The following MCC variants were observed in gnomAD, a reference collection of about 807,000 sequenced individuals.
MCC encodes MCC regulator of Wnt signaling pathway.
MCC carries 90 observed loss-of-function variants against 116.2 expected under a neutral mutation model. The observed-to-expected ratio is 0.77, with a 90% CI of 0.65 to 0.92. The LOEUF is 0.92. MCC is among the 40% of genes least tolerant of loss of function. The pLI is 0.00. For missense variants in MCC, 1,516 were observed against 1,312.2 expected, an observed-to-expected ratio of 1.16 and a Z score of -2.40; for synonymous variants, 578 against 510.5, an observed-to-expected ratio of 1.13 and a Z score of -1.78.
intron 15 of MCC, among the ~76,000 whole-genome samples, chr5:113,051,082 A>G (rs1752453204): frequency 6.6e-6 from 1 of 152,246 alleles, no homozygotes. Flanking sequence ...GTGGTACAGG[A>G]ATCCAGAGCC....
At chr5:113,220,195 T>C (rs1489801783) in intron 3 of MCC, among the ~76,000 whole-genome samples, 2 of 135,592 alleles carry the variant, frequency 1.5e-5, no homozygotes, top group East Asian at 4.6e-4. Flanking sequence ...GTAGCTGGGA[T>C]TACAGGCGCC....
chr5:113,470,616 T>G (rs542145420), intron 1 of MCC, among the ~76,000 whole-genome samples: 1 of 152,264 alleles, frequency 6.6e-6, no homozygotes, highest in Non-Finnish European at 1.5e-5. Context: ...CCCTTAACAT[T>G]TTTTCCTTCA....
chr5:113,052,192 CA>C (rs1752529660), intron 15 of MCC, among the ~76,000 whole-genome samples: 1 of 152,094 alleles, frequency 6.6e-6, no homozygotes, highest in Non-Finnish European at 1.5e-5. Flanking sequence ...CCACGTTGGC[CA>C]ATTTTAAAAA....
chr5:113,314,174 CT>C (rs756113025), intron 3 of MCC, among the ~76,000 whole-genome samples: 50 of 152,134 alleles, frequency 3.3e-4, no homozygotes, highest in Non-Finnish European at 5.4e-4. Context: ...CCAGGGAGGC[CT>C]GTATAAAATC....
Position 113,434,277 on chromosome 5 carries a change from TGCAGCACCTCTGGGGCCGCATA to T in MCC, c.171-49087_171-49066del, listed in dbSNP as rs907534939. On this transcript the variant is annotated intron_variant, in intron 1 of 18. Coordinates refer to ENST00000408903, the MANE Select transcript of MCC (RefSeq NM_001085377.2). The surrounding 1 kb of genome is among the most constrained non-coding windows in gnomAD (Gnocchi z 4.2). ...CACCTTGGGCTGGTAGGGAATGCCC[TGCAGCACCTCTGGGGCCGCATA>T]CGCTGGTGACCCACAGAAGGTCTTG... is the stretch of plus-strand genomic sequence containing the variant. 1.2e-6 allele frequency: 2 copies of T among 1,614,046 alleles called. No individual in the cohort carries two copies. The highest frequency in any genetic ancestry group is 2.7e-5 in the African/African-American group (2 of 74,920).
chr5:113,141,689 TC>T (rs1270485059), intron 5 of MCC, among the ~76,000 whole-genome samples: 3 of 152,204 alleles, frequency 2.0e-5, no homozygotes, highest in Non-Finnish European at 4.4e-5. Flanking sequence ...ATATGACATC[TC>T]CACAGATGTA....
chr5:113,264,875 C>G (rs888639339), intron 3 of MCC, among the ~76,000 whole-genome samples: 1 of 152,130 alleles, frequency 6.6e-6, no homozygotes, highest in Admixed American at 6.5e-5. Flanking sequence ...AACCCCATCT[C>G]TACTAAAAAT....
intron 1 of MCC, among the ~76,000 whole-genome samples, chr5:113,402,374 G>C (rs981835474): frequency 1.3e-5 from 2 of 151,196 alleles, no homozygotes; most frequent in African/African-American, 4.9e-5. Context: ...GGCCAGGCTG[G>C]TCTTGAACTC....
At chr5:113,108,331 TAAAAAAAA>T (rs56780207) in intron 6 of MCC, among the ~76,000 whole-genome samples, 1 of 42,724 alleles carries the variant, frequency 2.3e-5, no homozygotes, top group African/African-American at 7.6e-5. Flanking sequence ...CACTCTATCT[TAAAAAAAA>T]AAAAAAAAAA....
At position 113,085,149 on chromosome 5, in the gene MCC, T is replaced by C. The variant is rs766938399; in HGVS notation, c.1545+15A>G. 3.1e-6 allele frequency: 5 copies of C among 1,613,906 alleles called. No homozygotes were observed. Among genetic ancestry groups the C allele is most frequent in the African/African-American group, 1.3e-5 (1 of 74,908 alleles). On this transcript the variant is annotated intron_variant, in intron 9 of 18. Transcript: ENST00000408903. ...GAGGTGTTCCCGCTCATCGGGTCCATCCCCAGGAACTCACCTTGGCGATGG... is the reference window on the plus strand; with the variant it reads ...GAGGTGTTCCCGCTCATCGGGTCCACCCCCAGGAACTCACCTTGGCGATGG...
chr5:113,234,280 A>G (rs894315378), intron 3 of MCC, among the ~76,000 whole-genome samples: 4 of 152,178 alleles, frequency 2.6e-5, no homozygotes, highest in Admixed American at 6.5e-5. Context: ...GTCACTTTCA[A>G]TATTTAGCAT....
intron 3 of MCC, among the ~76,000 whole-genome samples, chr5:113,333,731 A>G (rs114474305): frequency 0.013 from 1,886 of 146,422 alleles, 33 homozygotes; most frequent in Middle Eastern, 0.032. Context: ...CCCCACAGAT[A>G]GCTGGTATGT....
chr5:113,082,633 T>C (rs1388209959), intron 11 of MCC, among the ~76,000 whole-genome samples: 1 of 152,258 alleles, frequency 6.6e-6, no homozygotes, highest in Non-Finnish European at 1.5e-5. Flanking sequence ...GGCACCTTTC[T>C]AAGCATAAGG....
chr5:113,317,154 A>G (rs1767306545), intron 3 of MCC, among the ~76,000 whole-genome samples: 2 of 152,246 alleles, frequency 1.3e-5, no homozygotes, highest in Admixed American at 6.5e-5. Flanking sequence ...CATTCAGATT[A>G]AGTGAAGGAA....
chr5:113,036,121 C>A lies in MCC; in HGVS notation c.2757-7065G>T, dbSNP rs1414299749. ...TGCGATCTTGGGCTCAACACAACCTCCAACCCCTAGGGTTCAAGTGATTCT... is the reference window on the plus strand; with the variant it reads ...TGCGATCTTGGGCTCAACACAACCTACAACCCCTAGGGTTCAAGTGATTCT... On this transcript the variant is annotated intron_variant, in intron 17 of 18. Transcript: ENST00000408903. Among the ~76,000 whole-genome samples, 7 of 135,814 alleles carry A rather than the reference C, an allele frequency of 5.2e-5. No homozygotes were observed. In the Admixed American group the frequency reaches 6.1e-4, roughly 12 times the overall value. The allele number at this position is 135,814 out of a possible 152,430, so 89.1% of individuals were successfully genotyped here.
intron 6 of MCC, among the ~76,000 whole-genome samples, chr5:113,108,261 A>G (rs1756864057): frequency 7.1e-6 from 1 of 140,028 alleles, no homozygotes; most frequent in Admixed American, 7.7e-5. Context: ...TGAACCCAGG[A>G]GGTGGAGGTT....
intron 3 of MCC, among the ~76,000 whole-genome samples, chr5:113,259,929 TAAAA>T (rs1403405466): frequency 1.3e-5 from 2 of 152,066 alleles, no homozygotes; most frequent in African/African-American, 4.8e-5. Context: ...GTTTATTTCT[TAAAA>T]AAAGTCAAGT....
chr5:113,249,503 T>C (rs1246264579), intron 3 of MCC, among the ~76,000 whole-genome samples: 1 of 152,214 alleles, frequency 6.6e-6, no homozygotes, highest in Non-Finnish European at 1.5e-5. Flanking sequence ...GCCAAACATA[T>C]GCCCTGTACC....
At chr5:113,199,049 T>C (rs1301034660) in intron 3 of MCC, among the ~76,000 whole-genome samples, 14 of 152,034 alleles carry the variant, frequency 9.2e-5, no homozygotes, top group Admixed American at 9.2e-4. Context: ...GCACCTGTAG[T>C]CCCAGCTACT....
Sources: allele counts gnomAD v4.1 joint callset (sites outside exome capture counted in the v4.1 genomes callset), GRCh38; gene constraint gnomAD v4.1.1; non-coding constraint Gnocchi (gnomAD v3.1); transcripts MANE v1.5; gene names NCBI Gene and HGNC (gene_info 2026-07-23, HGNC 2026-07-21).